ACSF3: variants seen among roughly 807,000 people sequenced by gnomAD.
ACSF3 encodes the protein acyl-CoA synthetase family member 3.
In ACSF3, 78 loss-of-function variants were observed where a neutral mutation model predicts 53.2. The observed-to-expected ratio is 1.47, with a 90% CI of 1.22 to 1.77. The LOEUF (loss-of-function observed/expected upper bound fraction) is 1.77, where lower values mean the gene tolerates loss of function less well. ACSF3 is among the 40% of genes most tolerant of loss of function. The pLI, the probability that ACSF3 is intolerant of heterozygous loss-of-function variation, is 0.00. For synonymous variants in ACSF3, 414 were observed against 333.1 expected (o/e 1.24, Z -2.65); for missense variants, 937 against 771.1 (o/e 1.22, Z -2.55).
intron 8 of ACSF3, among the ~76,000 whole-genome samples, chr16:89,139,000 C>T (rs1039643390): frequency 2.6e-5 from 4 of 152,204 alleles, no homozygotes; most frequent in African/African-American, 9.7e-5. Flanking sequence ...CCCCGCATCC[C>T]GAGGGCCGCC....
intron 3 of ACSF3, among the ~76,000 whole-genome samples, chr16:89,102,007 T>G (rs138349706): frequency 6.6e-6 from 1 of 152,324 alleles, no homozygotes; most frequent in East Asian, 1.9e-4. Flanking sequence ...CTGTCCTTGC[T>G]GAGGGGAGTG....
chr16:89,126,587 T>A (rs571133605), intron 7 of ACSF3, among the ~76,000 whole-genome samples: 2 of 152,350 alleles, frequency 1.3e-5, no homozygotes, highest in Non-Finnish European at 2.9e-5. Context: ...GTTGCTGTTG[T>A]TAGTTTTCAA....
At chr16:89,124,274 G>A (rs1264238415) in intron 7 of ACSF3, among the ~76,000 whole-genome samples, 1 of 152,216 alleles carries the variant, frequency 6.6e-6, no homozygotes, top group East Asian at 1.9e-4. Flanking sequence ...CCCTGACGAT[G>A]TCATAGGACG....
At chr16:89,115,995 G>A (rs781396102) in intron 6 of ACSF3, among the ~76,000 whole-genome samples, 2 of 152,146 alleles carry the variant, frequency 1.3e-5, no homozygotes, top group Non-Finnish European at 2.9e-5. Context: ...TTTTGGCCCG[G>A]TTTATCAATT....
intron 6 of ACSF3, among the ~76,000 whole-genome samples, chr16:89,117,957 T>A (rs1203207996): frequency 9.1e-6 from 1 of 109,944 alleles, no homozygotes; most frequent in Non-Finnish European, 2.0e-5. Context: ...CACAGTAGGT[T>A]CCCTCAGGCG....
intron 8 of ACSF3, among the ~76,000 whole-genome samples, chr16:89,143,790 C>T (rs1257751074): frequency 6.6e-6 from 1 of 152,190 alleles, no homozygotes; most frequent in Non-Finnish European, 1.5e-5. Context: ...TTCCAGAGCT[C>T]CATAAATAAG....
intron 8 of ACSF3, among the ~76,000 whole-genome samples, chr16:89,139,586 T>C (rs1484299205): frequency 6.7e-6 from 1 of 148,812 alleles, no homozygotes; most frequent in Admixed American, 6.7e-5. Context: ...CTCCTTTTTT[T>C]TTCTGTTTTT....
intron 7 of ACSF3, among the ~76,000 whole-genome samples, chr16:89,128,854 C>T (rs569730489): frequency 4.1e-4 from 63 of 152,200 alleles, no homozygotes; most frequent in Admixed American, 3.3e-3. Context: ...TCTGCCCAGG[C>T]GCAGTGGCTC....
chr16:89,112,337 G>C (rs1976793864), intron 5 of ACSF3, 91 bp downstream of exon 5: 2 of 1,524,832 alleles, frequency 1.3e-6, no homozygotes, highest in African/African-American at 2.7e-5. Context: ...ACTAAGTTCT[G>C]GGAAGCAGTG....
chr16:89,138,356 C>T (rs542383160), intron 8 of ACSF3, among the ~76,000 whole-genome samples: 6 of 152,344 alleles, frequency 3.9e-5, no homozygotes, highest in South Asian at 4.1e-4. Flanking sequence ...CAAAACCCTC[C>T]TGGCCATGCT....
intron 3 of ACSF3, 42 bp downstream of exon 3, chr16:89,101,389 A>G (rs749017193): frequency 1.1e-5 from 17 of 1,551,046 alleles, no homozygotes. Flanking sequence ...GTGACCGCAC[A>G]GCACTCCGGG....
At chr16:89,149,362 TAG>T (rs1412534545) in intron 10 of ACSF3, 3 of 152,244 alleles carry the variant, frequency 2.0e-5, no homozygotes, top group African/African-American at 7.2e-5. Flanking sequence ...TTTTCTGTGT[TAG>T]TCCAGTCTTG....
intron 4 of ACSF3, among the ~76,000 whole-genome samples, chr16:89,111,079 C>T (rs560140898): frequency 2.6e-5 from 4 of 152,188 alleles, no homozygotes; most frequent in East Asian, 1.9e-4. Flanking sequence ...ATCTTCCCCA[C>T]GTTGTTCATC....
At chr16:89,145,903 A>G (rs1350407949) in intron 9 of ACSF3, 35 bp from the exon 10 acceptor site, 1 of 1,570,632 alleles carries the variant, frequency 6.4e-7, no homozygotes. Context: ...TCACTGAGGC[A>G]TCCCCATGTT....
Position 89,100,993 on chromosome 16 carries a change from C to T in ACSF3, c.312C>T (p.Asn104=), listed in dbSNP as rs749994320. 28 of 1,613,404 alleles carry T rather than the reference C, an allele frequency of 1.7e-5. No individual in the cohort carries two copies. The highest frequency in any genetic ancestry group is 2.2e-5 in the East Asian group (1 of 44,886). The change falls in exon 3 of 11, where the codon AAC becomes AAT. Residue 104 remains asparagine (N), a synonymous_variant. Transcript: ENST00000614302. ...REERVSFLCA[N]DASYVVAQWA... is the part of the protein sequence containing the mutation. ...AGAGGGTCTCCTTCCTATGCGCTAACGATGCCTCCTACGTCGTGGCCCAGT... is the reference window on the plus strand; with the variant it reads ...AGAGGGTCTCCTTCCTATGCGCTAATGATGCCTCCTACGTCGTGGCCCAGT...
intron 6 of ACSF3, among the ~76,000 whole-genome samples, chr16:89,116,530 G>A (rs58188939): frequency 0.025 from 3,754 of 152,294 alleles, 138 homozygotes; most frequent in East Asian, 0.12. Context: ...TGTATTCTGA[G>A]TGTAAAGTCT....
intron 8 of ACSF3, among the ~76,000 whole-genome samples, chr16:89,136,018 G>A (rs1386950380): frequency 2.0e-5 from 3 of 152,206 alleles, no homozygotes; most frequent in Non-Finnish European, 2.9e-5. Flanking sequence ...CAGGTGATCC[G>A]CCCGCCTCGG....
intron 7 of ACSF3, among the ~76,000 whole-genome samples, chr16:89,124,772 C>G (rs1907627668): frequency 8.1e-6 from 1 of 124,020 alleles, no homozygotes; most frequent in Non-Finnish European, 1.8e-5. Context: ...GTATGTGACA[C>G]CTGTGCGCAC....
chr16:89,145,294 A>G lies in ACSF3; in HGVS notation c.1394A>G (p.Gln465Arg), dbSNP rs200971130. ...TGDTVVFKDG[Q>R]YWIRGRTSVD... Reference sequence around the variant, plus strand: ...GACACCGTGGTGTTTAAGGATGGCCAGTACTGGATCCGAGGCCGGACCTCA... The same window carrying G: ...GACACCGTGGTGTTTAAGGATGGCCGGTACTGGATCCGAGGCCGGACCTCA... The change falls in exon 9 of 11, where the codon CAG becomes CGG. Residue 465 changes from glutamine to arginine, a missense_variant. By Grantham distance (43) the Gln-to-Arg change is conservative. Transcript: ENST00000614302. 1.4e-4 allele frequency: 232 copies of G among 1,614,032 alleles called. 1 individual carries two copies. Among genetic ancestry groups the G allele is most frequent in the East Asian group, 2.2e-5 (1 of 44,890 alleles).
Sources: gnomAD v4.1 joint callset for allele counts (sites outside exome capture counted in the v4.1 genomes callset) on GRCh38, gnomAD v4.1.1 for gene constraint, MANE v1.5 for transcripts, NCBI Gene and HGNC (gene_info 2026-07-23, HGNC 2026-07-21) for gene names.